Variants in ECPAS observed in about 807,000 individuals in gnomAD.
ECPAS encodes Ecm29 proteasome adaptor and scaffold, also known as proteasome adapter and scaffold protein ECM29.
Under a neutral mutation model 255.1 loss-of-function variants are expected in ECPAS, and 70 were observed. That is an observed-to-expected ratio of 0.27 (90% CI 0.23 to 0.33). ECPAS has a LOEUF of 0.33. Ranked by LOEUF, ECPAS falls within the 10% of genes least tolerant of loss-of-function variation. The probability of loss-of-function intolerance (pLI) is 1.00; values close to 1 mark genes in which losing one functional copy is unlikely to be tolerated. For missense variants in ECPAS, 1,817 were observed against 2,206.4 expected, an observed-to-expected ratio of 0.82 and a Z score of 3.54; for synonymous variants, 784 against 775.0, an observed-to-expected ratio of 1.01 and a Z score of -0.19.
intron 3 of ECPAS, among the ~76,000 whole-genome samples, chr9:111,446,088 T>C (rs1436153229): frequency 2.0e-5 from 3 of 152,246 alleles, no homozygotes; most frequent in African/African-American, 4.8e-5. Flanking sequence ...TGATGGACAT[T>C]TGGGTTGGTT....
At chr9:111,463,190 G>T (rs188364143) in intron 2 of ECPAS, among the ~76,000 whole-genome samples, 9 of 152,184 alleles carry the variant, frequency 5.9e-5, no homozygotes, top group African/African-American at 2.2e-4. Flanking sequence ...ACAGTCGGCT[G>T]ATAGAGCCAA....
intron 19 of ECPAS, among the ~76,000 whole-genome samples, 200 bp downstream of exon 19, chr9:111,414,229 T>C (rs368775461): frequency 6.6e-5 from 10 of 152,306 alleles, no homozygotes; most frequent in African/African-American, 2.2e-4. Flanking sequence ...AGTAAAAATG[T>C]ATTTATCTAT....
intron 1 of ECPAS, 145 bp from the exon 2 acceptor site, chr9:111,473,145 T>C (rs1241436674): frequency 1.8e-5 from 3 of 167,302 alleles, no homozygotes; most frequent in Non-Finnish European, 1.3e-5. Context: ...AAAATTATAA[T>C]GACTATCAAA....
At chr9:111,363,752 A>G in intron 48 of ECPAS, 93 bp from the exon 49 acceptor site, 1 of 688,424 alleles carries the variant, frequency 1.5e-6, no homozygotes, top group Non-Finnish European at 2.5e-6. Flanking sequence ...ATGTCCAGAA[A>G]TTACAACTCT....
intron 35 of ECPAS, among the ~76,000 whole-genome samples, chr9:111,381,091 T>C (rs1467392566): frequency 6.6e-6 from 1 of 152,262 alleles, no homozygotes; most frequent in Non-Finnish European, 1.5e-5. Context: ...ACTTGGCTGT[T>C]TGGCACAAGA....
intron 24 of ECPAS, among the ~76,000 whole-genome samples, chr9:111,407,606 G>A (rs1032922082): frequency 4.0e-5 from 6 of 151,882 alleles, no homozygotes; most frequent in Non-Finnish European, 5.9e-5. Flanking sequence ...CAGACTAATA[G>A]CAACTCTCTT....
intron 24 of ECPAS, among the ~76,000 whole-genome samples, chr9:111,399,786 C>G (rs1195923218): frequency 2.0e-5 from 3 of 152,220 alleles, no homozygotes; most frequent in Non-Finnish European, 4.4e-5. Context: ...ACTTCTAGAC[C>G]CACCCCAGGC....
rs2098119923 is a variant in ECPAS, at chr9:111,365,924, C to T, written c.5308+315G>A. 3.2e-5 allele frequency: 8 copies of T among 251,316 alleles called. No individual in the cohort carries two copies. In the South Asian group the frequency reaches 5.7e-4, roughly 18 times the overall value. The allele number at this position is 251,316 out of a possible 1,614,324, so 15.6% of individuals were successfully genotyped here. On this transcript the variant is annotated intron_variant, in intron 48 of 49. Transcript: ENST00000684092. ...CACAAAATGTTAACAAATGATTCTG[C>T]ATAAAGTGTATACATATTGCAGAGT...
At position 111,404,091 on chromosome 9, in the gene ECPAS, T is replaced by A. The variant is rs1009712015; in HGVS notation, c.2652+4480A>T. 4.0e-5 allele frequency among the ~76,000 whole-genome samples: 6 copies of A among 149,246 alleles called. 1 individual carries two copies. The East Asian group carries it at 8.1e-4, about 20-fold the overall frequency. On this transcript the variant is annotated intron_variant, in intron 24 of 49. Coordinates refer to ENST00000684092, the MANE Select transcript of ECPAS (RefSeq NM_001364929.1). ...AAAATAAAAACACAACATACCAAAA[T>A]CTATGGGATACAGCAAAAGCAGTGC... is the stretch of plus-strand genomic sequence containing the variant.
chr9:111,452,307 G>T (rs944621014), intron 2 of ECPAS, among the ~76,000 whole-genome samples: 1 of 152,166 alleles, frequency 6.6e-6, no homozygotes, highest in South Asian at 2.1e-4. Context: ...GAATTAGGGA[G>T]TTTTCTAAAG....
chr9:111,390,026 A>G lies in ECPAS; in HGVS notation c.3237T>C (p.Phe1079=). 6.2e-7 allele frequency: 1 copy of G among 1,600,636 alleles called. No homozygotes were observed. The highest frequency in any genetic ancestry group is 2.2e-5 in the East Asian group (1 of 44,458). The change falls in exon 30 of 50, where the codon TTT becomes TTC. Residue 1079 remains phenylalanine, a synonymous_variant. Coordinates refer to ENST00000684092, the MANE Select transcript of ECPAS (RefSeq NM_001364929.1). ...TTGCATGATGGTTGGCTAAATTCAT[A>G]AATTTATACACCAGATCTGGCTGGC... is the stretch of plus-strand genomic sequence containing the variant. The part of the protein sequence containing the change: ...DLSQPDLVYK[F]MNLANHHAMW...
intron 36 of ECPAS, among the ~76,000 whole-genome samples, chr9:111,376,870 A>C (rs2098133881): frequency 6.6e-6 from 1 of 152,184 alleles, no homozygotes; most frequent in Non-Finnish European, 1.5e-5. Flanking sequence ...CAAATTTCTA[A>C]GGTTTTTAAA....
At chr9:111,407,977 A>T (rs1187642599) in intron 24 of ECPAS, among the ~76,000 whole-genome samples, 1 of 152,240 alleles carries the variant, frequency 6.6e-6, no homozygotes, top group East Asian at 1.9e-4. Flanking sequence ...ATGATGGGTC[A>T]GGGAAGGCTT....
Position 111,417,876 on chromosome 9 carries a change from G to A in ECPAS, c.1683+7C>T. On this transcript the variant is annotated splice_region_variant and intron_variant, in intron 17 of 49. Transcript: ENST00000684092. ...TTAGACTAATTACCTTAAGTTGCAT[G>A]CCATACCTTTTCTTGGATGTAATAA... The A allele has an allele frequency of 1.3e-6, 2 of 1,551,412 alleles. No individual in the cohort carries two copies. Among genetic ancestry groups the A allele is most frequent in the Non-Finnish European group, 1.7e-6 (2 of 1,148,390 alleles).
At chr9:111,385,035 G>C (rs938545247) in intron 33 of ECPAS, among the ~76,000 whole-genome samples, 2 of 152,170 alleles carry the variant, frequency 1.3e-5, no homozygotes, top group Non-Finnish European at 2.9e-5. Context: ...CCCATTTACA[G>C]AACTGATCAA....
At chr9:111,392,330 CATA>C (rs1311330811) in intron 28 of ECPAS, among the ~76,000 whole-genome samples, 1 of 152,228 alleles carries the variant, frequency 6.6e-6, no homozygotes, top group Non-Finnish European at 1.5e-5. Context: ...AGACATTTCA[CATA>C]ATTTCCACTG....
At chr9:111,382,965 C>T (rs888816941) in intron 35 of ECPAS, among the ~76,000 whole-genome samples, 2 of 152,150 alleles carry the variant, frequency 1.3e-5, no homozygotes, top group African/African-American at 4.8e-5. Flanking sequence ...AACAGGAAGA[C>T]GTGCTTGTTG....
At chr9:111,475,607 C>T (rs953692837) in intron 1 of ECPAS, among the ~76,000 whole-genome samples, 2 of 151,900 alleles carry the variant, frequency 1.3e-5, no homozygotes, top group Non-Finnish European at 2.9e-5. Flanking sequence ...TGATGGTGCA[C>T]GCCTTGTAGT....
At chr9:111,483,314 G>A (rs2098309644) in intron 1 of ECPAS, among the ~76,000 whole-genome samples, 1 of 151,766 alleles carries the variant, frequency 6.6e-6, no homozygotes, top group South Asian at 2.1e-4. Context: ...CAAACCTGAG[G>A]CCTACAAACG....
Sources: gnomAD v4.1 joint callset for allele counts (sites outside exome capture counted in the v4.1 genomes callset) on GRCh38, gnomAD v4.1.1 for gene constraint, MANE v1.5 for transcripts, NCBI Gene and HGNC (gene_info 2026-07-23, HGNC 2026-07-21) for gene names.